Variants in SEC61B observed in about 807,000 individuals in gnomAD.
SEC61B encodes SEC61 translocon subunit beta.
Under a neutral mutation model 12.6 loss-of-function variants are expected in SEC61B, and 7 were observed. The ratio of observed to expected loss-of-function variants is 0.55; its 90% CI spans 0.32 to 1.04. The LOEUF (loss-of-function observed/expected upper bound fraction) is 1.04. SEC61B is among the 50% of genes least tolerant of loss of function. The pLI, the probability that SEC61B is intolerant of heterozygous loss-of-function variation, is 0.05. For synonymous variants in SEC61B, 54 were observed against 50.1 expected, an observed-to-expected ratio of 1.08 and a Z score of -0.33; for missense variants, 107 against 130.1, an observed-to-expected ratio of 0.82 and a Z score of 0.86.
At chr9:99,223,687 C>T (rs573750925) in intron 2 of SEC61B, among the ~76,000 whole-genome samples, 115 of 152,316 alleles carry the variant, frequency 7.6e-4, no homozygotes, top group Non-Finnish European at 1.6e-3. Flanking sequence ...CCACTGCGCC[C>T]GGCCTTCAGC....
intron 2 of SEC61B, among the ~76,000 whole-genome samples, chr9:99,224,197 T>G (rs1238770375): frequency 6.6e-6 from 1 of 152,352 alleles, no homozygotes; most frequent in East Asian, 1.9e-4. Flanking sequence ...TGATTTGAAC[T>G]TACATGAAAT....
chr9:99,222,425 G>C, intron 1 of SEC61B, 59 bp downstream of exon 1: 14 of 1,613,278 alleles, frequency 8.7e-6, no homozygotes, highest in Non-Finnish European at 1.2e-5. Context: ...CTCCTGCTTT[G>C]CGCCGTGCTT....
intron 3 of SEC61B, 111 bp from the exon 4 acceptor site, chr9:99,230,226 C>T (rs115809522): frequency 3.3e-6 from 2 of 603,074 alleles, no homozygotes; most frequent in Non-Finnish European, 5.8e-6. Context: ...CTGGATGAAC[C>T]TTGAGTGCTG....
chr9:99,230,327 T>C lies in SEC61B; in HGVS notation c.204-10T>C. On this transcript the variant is annotated splice_polypyrimidine_tract_variant and intron_variant, in intron 3 of 3. Transcript: ENST00000223641. ...CTAAAAGTAAGCATGCTTTCTCTTC[T>C]TATTTCTAGTGGCCCTGTTCCAGTA... 2 of 1,561,082 alleles carry C rather than the reference T, an allele frequency of 1.3e-6. No individual in the cohort carries two copies. The highest frequency in any genetic ancestry group is 1.4e-5 in the African/African-American group (1 of 73,512).
intron 2 of SEC61B, chr9:99,222,857 G>C (rs1828847112): frequency 4.2e-6 from 2 of 479,156 alleles, no homozygotes; most frequent in East Asian, 6.9e-5. Flanking sequence ...AAAAAGGAAA[G>C]TTAACAAACT....
At chr9:99,228,623 T>G (rs947065674) in intron 3 of SEC61B, among the ~76,000 whole-genome samples, 13 of 152,250 alleles carry the variant, frequency 8.5e-5, no homozygotes, top group African/African-American at 2.9e-4. Context: ...GTGGCAGATC[T>G]TATCCCACAG....
At chr9:99,224,244 G>C (rs1828872015) in intron 2 of SEC61B, among the ~76,000 whole-genome samples, 1 of 152,158 alleles carries the variant, frequency 6.6e-6, no homozygotes, top group Non-Finnish European at 1.5e-5. Context: ...AATAGAACTG[G>C]CAGAAATGTA....
At chr9:99,228,117 C>T in intron 3 of SEC61B, 117 bp downstream of exon 3, 1 of 740,088 alleles carries the variant, frequency 1.4e-6, no homozygotes, top group Non-Finnish European at 2.2e-6. Flanking sequence ...TACACAACAG[C>T]CTCATTTGTG....
Position 99,222,507 on chromosome 9 carries a change from G to A in SEC61B, c.4-39G>A, listed in dbSNP as rs1023837373. 3.7e-6 allele frequency: 6 copies of A among 1,603,288 alleles called. No homozygotes were observed. In the African/African-American group the frequency reaches 6.7e-5, roughly 18 times the overall value. On this transcript the variant is annotated intron_variant, in intron 1 of 3. Coordinates refer to ENST00000223641, the MANE Select transcript of SEC61B (RefSeq NM_006808.3). The stretch of plus-strand genomic sequence containing the variant: ...TAGGCCGGGGTTCTGGGGCAGGCCT[G>A]CCGCGCTCACCCGTCTGTCTGCTTG...
chr9:99,230,388 T>C lies in SEC61B; in HGVS notation c.255T>C (p.Phe85=). The change falls in exon 4 of 4, where the codon TTT becomes TTC. Residue 85 remains phenylalanine (F), a synonymous_variant. Coordinates refer to ENST00000223641, the MANE Select transcript of SEC61B (RefSeq NM_006808.3). ...GTCTTCTGTTCATCGCTTCTGTATT[T>C]ATGTTGCACATTTGGGGCAAGTACA... ...VMSLLFIASV[F]MLHIWGKYTR... is the part of the protein sequence containing the mutation. The C allele has an allele frequency of 6.2e-7, 1 of 1,611,506 alleles. No individual in the cohort carries two copies. Among genetic ancestry groups the C allele is most frequent in the South Asian group, 1.1e-5 (1 of 90,778 alleles).
intron 1 of SEC61B, 84 bp downstream of exon 1, chr9:99,222,450 C>A: frequency 6.2e-7 from 1 of 1,608,024 alleles, no homozygotes; most frequent in African/African-American, 1.3e-5. Context: ...TCTGTAGCTC[C>A]CTTGCTTCCC....
At chr9:99,225,477 C>T (rs1490575293) in intron 2 of SEC61B, among the ~76,000 whole-genome samples, 5 of 152,024 alleles carry the variant, frequency 3.3e-5, no homozygotes, top group Admixed American at 2.6e-4. Context: ...ATTCTGAGGT[C>T]GATGAGGTTG....
chr9:99,230,094 A>G (rs747486356), intron 3 of SEC61B, among the ~76,000 whole-genome samples: 2 of 152,208 alleles, frequency 1.3e-5, no homozygotes, highest in East Asian at 1.9e-4. Flanking sequence ...ATGTTTTGGT[A>G]TGTTTTACTA....
Position 99,230,457 on chromosome 9 carries a change from G to A in SEC61B, c.*33G>A. The stretch of plus-strand genomic sequence containing the variant: ...TACATCCATCTGTCATCTGAAGAAG[G>A]AGGAAAAAACCCAACATTTCTTGGA... On this transcript the variant is annotated 3_prime_UTR_variant, in exon 4 of 4. Transcript: ENST00000223641. 1 of 1,456,684 alleles carries A rather than the reference G, an allele frequency of 6.9e-7. No individual in the cohort carries two copies. Among genetic ancestry groups the A allele is most frequent in the Admixed American group, 1.8e-5 (1 of 56,906 alleles). The allele number at this position is 1,456,684 out of a possible 1,614,324, so 90.2% of individuals were successfully genotyped here. A position where few individuals can be genotyped will look rare whatever the true frequency, so the allele number is the denominator to read the frequency against.
chr9:99,227,609 C>T (rs1213494085), intron 2 of SEC61B, among the ~76,000 whole-genome samples: 4 of 152,132 alleles, frequency 2.6e-5, no homozygotes, highest in Non-Finnish European at 4.4e-5. Context: ...CTGTTGGCTG[C>T]AGGGTCTTAG....
intron 2 of SEC61B, among the ~76,000 whole-genome samples, chr9:99,225,332 T>C (rs1411255352): frequency 6.6e-6 from 1 of 152,098 alleles, no homozygotes; most frequent in East Asian, 1.9e-4. Flanking sequence ...AGGGCAAAGG[T>C]AGGTAGTTGT....
Position 99,230,353 on chromosome 9 carries a change from T to A in SEC61B, c.220T>A (p.Leu74Met), listed in dbSNP as rs756128908. The A allele has an allele frequency of 6.2e-7, 1 of 1,606,998 alleles. No individual in the cohort carries two copies. The highest frequency in any genetic ancestry group is 1.1e-5 in the South Asian group (1 of 90,186). Residue 74 changes from leucine to methionine, a missense_variant, in exon 4 of 4, where the codon TTG becomes ATG. Physicochemically the swap from Leu to Met is conservative, Grantham distance 15. Transcript: ENST00000223641. Reference protein sequence around the residue: ...PGLKVGPVPVLVMSLLFIASV... With the variant: ...PGLKVGPVPVMVMSLLFIASV... ...TATTTCTAGTGGCCCTGTTCCAGTA[T>A]TGGTTATGAGTCTTCTGTTCATCGC...
intron 3 of SEC61B, among the ~76,000 whole-genome samples, chr9:99,228,302 T>C (rs993074721): frequency 1.3e-5 from 2 of 152,236 alleles, no homozygotes; most frequent in African/African-American, 2.4e-5. Flanking sequence ...ATGAAATTGC[T>C]CTTCATTTGG....
At chr9:99,225,262 C>T (rs1177368720) in intron 2 of SEC61B, among the ~76,000 whole-genome samples, 1 of 152,138 alleles carries the variant, frequency 6.6e-6, no homozygotes, top group African/African-American at 2.4e-5. Context: ...AATGTAATTT[C>T]AGGCAATAAG....
Sources: gnomAD v4.1 joint callset for allele counts (sites outside exome capture counted in the v4.1 genomes callset) on GRCh38, gnomAD v4.1.1 for gene constraint, MANE v1.5 for transcripts, NCBI Gene and HGNC (gene_info 2026-07-23, HGNC 2026-07-21) for gene names.